The following SAMHD1 variants were observed in gnomAD, a reference collection of about 807,000 sequenced individuals.
SAMHD1 encodes the protein deoxynucleoside triphosphate triphosphohydrolase SAMHD1.
A neutral mutation model predicts 79.6 loss-of-function variants in SAMHD1; 54 were observed. That is an observed-to-expected ratio of 0.68 (90% CI 0.55 to 0.85). The LOEUF is 0.85. SAMHD1 is among the 40% of genes least tolerant of loss of function. The pLI is 0.00. For synonymous variants in SAMHD1, 260 were observed against 264.1 expected, an observed-to-expected ratio of 0.98 and a Z score of 0.15; for missense variants, 663 against 782.7, an observed-to-expected ratio of 0.85 and a Z score of 1.82.
At chr20:36,893,526 A>G (rs1990132364) in intron 15 of SAMHD1, 1 of 271,360 alleles carries the variant, frequency 3.7e-6, no homozygotes, top group South Asian at 9.6e-5. Context: ...CTCTGCATCA[A>G]AGCTCTAACG....
At chr20:36,909,946 G>T (rs1381866042) in intron 11 of SAMHD1, among the ~76,000 whole-genome samples, 1 of 151,816 alleles carries the variant, frequency 6.6e-6, no homozygotes, top group African/African-American at 2.4e-5. Flanking sequence ...CTCAGGTGTG[G>T]CCGGGCGGTG....
chr20:36,940,318 A>T (rs1384787516), intron 3 of SAMHD1: 2 of 152,248 alleles, frequency 1.3e-5, no homozygotes, highest in Non-Finnish European at 2.9e-5. Flanking sequence ...AATATGCAAT[A>T]AGAGTAAAAA....
At chr20:36,925,171 GAAAA>G (rs1229061001) in intron 6 of SAMHD1, among the ~76,000 whole-genome samples, 2 of 144,726 alleles carry the variant, frequency 1.4e-5, no homozygotes, top group Non-Finnish European at 3.0e-5. Context: ...AAAAAAAAAA[GAAAA>G]AAAAAGATTT....
At chr20:36,928,393 G>GA (rs1167685715) in intron 5 of SAMHD1, among the ~76,000 whole-genome samples, 4 of 118,486 alleles carry the variant, frequency 3.4e-5, no homozygotes, top group Middle Eastern at 6.4e-3. Context: ...CATCTCAAAA[G>GA]AAAAAAAAAG....
At chr20:36,896,324 C>T (rs2148354616) in intron 15 of SAMHD1, among the ~76,000 whole-genome samples, 1 of 152,132 alleles carries the variant, frequency 6.6e-6, no homozygotes, top group South Asian at 2.1e-4. Flanking sequence ...GGAACTAGTT[C>T]CCCACAGACA....
chr20:36,949,849 G>C (rs2063721685), intron 1 of SAMHD1, among the ~76,000 whole-genome samples: 1 of 151,482 alleles, frequency 6.6e-6, no homozygotes, highest in Admixed American at 6.6e-5. Flanking sequence ...CAGAATCTTT[G>C]GATAGGAACC....
chr20:36,935,454 A>T, intron 3 of SAMHD1: 1 of 465,768 alleles, frequency 2.1e-6, no homozygotes, highest in Non-Finnish European at 3.9e-6. Flanking sequence ...TTTATTATGT[A>T]TATGACTTAG....
Position 36,928,421 on chromosome 20 carries a change from T to C in SAMHD1, c.626-1169A>G, listed in dbSNP as rs2063549132. Among the ~76,000 whole-genome samples the C allele has an allele frequency of 2.6e-5, 4 of 151,748 alleles. No individual in the cohort carries two copies. The South Asian group carries it at 8.3e-4, about 31-fold the overall frequency. ...AAAAAAAGGGGCTGGGCGCGGTGGC[T>C]CATGCCTGTAATCCCAGCACTTTGG... On this transcript the variant is annotated intron_variant, in intron 5 of 15. Coordinates refer to ENST00000646673, the MANE Select transcript of SAMHD1 (RefSeq NM_015474.4).
chr20:36,932,417 A>G (rs2063573546), intron 4 of SAMHD1, among the ~76,000 whole-genome samples: 3 of 119,818 alleles, frequency 2.5e-5, no homozygotes, highest in Admixed American at 9.2e-5. Context: ...TTGCGGGGGG[A>G]GACATGAAGA....
chr20:36,912,115 G>A (rs1393551649), intron 10 of SAMHD1: 3 of 262,944 alleles, frequency 1.1e-5, no homozygotes, highest in Non-Finnish European at 2.2e-5. Flanking sequence ...AAATATTCAT[G>A]TCCTACCTCC....
chr20:36,893,500 C>G, intron 15 of SAMHD1: 1 of 249,748 alleles, frequency 4.0e-6, no homozygotes. Context: ...TATGTACCTG[C>G]AGAATTTAAA....
At chr20:36,926,787 G>C (rs2063538909) in intron 6 of SAMHD1, among the ~76,000 whole-genome samples, 1 of 152,118 alleles carries the variant, frequency 6.6e-6, no homozygotes, top group African/African-American at 2.4e-5. Context: ...TGACTTGGCT[G>C]GTAAGTTAGT....
At chr20:36,939,863 A>C (rs989049202) in intron 3 of SAMHD1, among the ~76,000 whole-genome samples, 1 of 152,182 alleles carries the variant, frequency 6.6e-6, no homozygotes, top group Non-Finnish European at 1.5e-5. Flanking sequence ...AAAACAAGAA[A>C]CATTTCATCA....
chr20:36,897,793 G>C lies in SAMHD1; in HGVS notation c.1746+29C>G, dbSNP rs772870637. On this transcript the variant is annotated intron_variant, in intron 15 of 15. Transcript: ENST00000646673. ...TTTTTACTTAAAAATAAAAAATTGTGCAAAGTTTGTGAGTAACAGGCCACC... is the reference window on the plus strand; with the variant it reads ...TTTTTACTTAAAAATAAAAAATTGTCCAAAGTTTGTGAGTAACAGGCCACC... The C allele has an allele frequency of 6.2e-6, 10 of 1,613,982 alleles. No individual in the cohort carries two copies. In the Admixed American group the frequency reaches 1.7e-4, roughly 27 times the overall value.
chr20:36,916,992 T>C lies in SAMHD1; in HGVS notation c.910A>G (p.Lys304Glu), dbSNP rs772935302. 1.2e-6 allele frequency: 2 copies of C among 1,614,128 alleles called. No individual in the cohort carries two copies. Among genetic ancestry groups the C allele is most frequent in the Non-Finnish European group, 1.7e-6 (2 of 1,179,968 alleles). ...TTGTCCACATCAATGCCATTTCTTTTATTAGATACTATCTCATAAAGGAAG... is the reference window on the plus strand; with the variant it reads ...TTGTCCACATCAATGCCATTTCTTTCATTAGATACTATCTCATAAAGGAAG... Reference protein sequence around the residue: ...KSFLYEIVSNKRNGIDVDKWD... With the variant: ...KSFLYEIVSNERNGIDVDKWD... Residue 304 changes from lysine (K) to glutamate (E), a missense_variant, in exon 8 of 16, where the codon AAA (lysine) becomes GAA (glutamate). Coordinates refer to ENST00000646673, the MANE Select transcript of SAMHD1 (RefSeq NM_015474.4).
At chr20:36,890,036 T>G (rs1291141), downstream of SAMHD1, 115,127 of 152,090 alleles carry the variant, frequency 0.76, 44,595 homozygotes, top group Middle Eastern at 0.88. Context: ...AACTAATAAA[T>G]ACTGTAGCAG....
intron 6 of SAMHD1, among the ~76,000 whole-genome samples, chr20:36,922,159 GA>G (rs2063510060): frequency 6.6e-6 from 1 of 152,110 alleles, no homozygotes; most frequent in Admixed American, 6.6e-5. Context: ...CAGATCAAAA[GA>G]AACTAGAAAA....
At chr20:36,905,229 T>A in intron 12 of SAMHD1, 135 bp downstream of exon 12, 3 of 965,128 alleles carry the variant, frequency 3.1e-6, no homozygotes. Flanking sequence ...CTAAGACCCC[T>A]GCACTACTGT....
chr20:36,898,619 G>C (rs963770375), intron 13 of SAMHD1, 75 bp from the exon 14 acceptor site: 3 of 1,186,944 alleles, frequency 2.5e-6, no homozygotes, highest in Admixed American at 1.7e-5. Context: ...AGCATAACAA[G>C]AAATGGAACA....
Sources: gnomAD v4.1 joint callset for allele counts (sites outside exome capture counted in the v4.1 genomes callset) on GRCh38, gnomAD v4.1.1 for gene constraint, MANE v1.5 for transcripts, NCBI Gene and HGNC (gene_info 2026-07-23, HGNC 2026-07-21) for gene names.